The following ERGIC1 variants were observed in gnomAD, a reference collection of about 807,000 sequenced individuals.
ERGIC1 encodes the protein endoplasmic reticulum-Golgi intermediate compartment protein 1.
Under a neutral mutation model 38.3 loss-of-function variants are expected in ERGIC1, and 19 were observed. The observed-to-expected ratio is 0.50, with a 90% CI of 0.35 to 0.73. The LOEUF is 0.73. ERGIC1 is among the 30% of genes least tolerant of loss of function. The pLI is 0.01. For missense variants in ERGIC1, 294 were observed against 389.2 expected (o/e 0.76, Z 2.06); for synonymous variants, 124 against 157.6 (o/e 0.79, Z 1.60).
At chr5:172,939,905 G>A (rs768477169) in intron 9 of ERGIC1, among the ~76,000 whole-genome samples, 9 of 152,252 alleles carry the variant, frequency 5.9e-5, no homozygotes, top group African/African-American at 9.6e-5. Flanking sequence ...GGGAGCCCTC[G>A]GAGGGCGGGG....
intron 9 of ERGIC1, among the ~76,000 whole-genome samples, chr5:172,938,718 A>T: frequency 6.9e-6 from 1 of 144,234 alleles, no homozygotes; most frequent in East Asian, 2.0e-4. Flanking sequence ...ATGCCACTGC[A>T]CTCCAGCCTG....
chr5:172,941,193 C>G (rs866993559), intron 9 of ERGIC1, among the ~76,000 whole-genome samples: 5 of 151,412 alleles, frequency 3.3e-5, no homozygotes, highest in Middle Eastern at 3.4e-3. Context: ...GAGGCTGAGA[C>G]AGGAGATCTT....
At chr5:172,891,903 G>A (rs879813822) in intron 2 of ERGIC1, among the ~76,000 whole-genome samples, 29 of 152,244 alleles carry the variant, frequency 1.9e-4, no homozygotes, top group South Asian at 1.5e-3. Context: ...GTCACATTCT[G>A]TTATCTGGCT....
rs76660547 is a variant in ERGIC1 at position 172,927,483 on chromosome 5, G to A, written c.541+914G>A. ...TCCAAGGCATGGATTGCAGTTTACC[G>A]TCTGCTTTTTGTACTTGACCTTATT... On this transcript the variant is annotated intron_variant, in intron 7 of 9. Coordinates refer to ENST00000393784, the MANE Select transcript of ERGIC1 (RefSeq NM_001031711.3). 3.4e-3 allele frequency among the ~76,000 whole-genome samples: 515 copies of A among 151,652 alleles called. 3 individuals are homozygous for A. Among genetic ancestry groups the A allele is most frequent in the Middle Eastern group, 0.017 (5 of 294 alleles).
At chr5:172,944,201 A>G (rs1581591152) in intron 9 of ERGIC1, among the ~76,000 whole-genome samples, 1 of 152,224 alleles carries the variant, frequency 6.6e-6, no homozygotes, top group Non-Finnish European at 1.5e-5. Flanking sequence ...TCCCTGGCTC[A>G]GTGACCCTGC....
rs79462789 is a variant in ERGIC1, at chr5:172,879,731, G to C, written c.21-8968G>C. ...AGCAGCTGGAGGCCCCTCAGAGAGA[G>C]CATGGGATCAATGGGAAACCTTCTA... On this transcript the variant is annotated intron_variant, in intron 1 of 9. Transcript: ENST00000393784. Among the ~76,000 whole-genome samples, 8 of 152,356 alleles carry C rather than the reference G, an allele frequency of 5.3e-5. No homozygotes were observed. In the East Asian group the frequency reaches 1.5e-3, roughly 29 times the overall value.
At chr5:172,876,259 C>T (rs1330958235) in intron 1 of ERGIC1, among the ~76,000 whole-genome samples, 3 of 152,222 alleles carry the variant, frequency 2.0e-5, no homozygotes, top group Admixed American at 6.5e-5. Flanking sequence ...AGGATTTCAT[C>T]AGTGGATGCA....
At chr5:172,859,419 C>T (rs1458650324) in intron 1 of ERGIC1, among the ~76,000 whole-genome samples, 3 of 152,020 alleles carry the variant, frequency 2.0e-5, no homozygotes, top group Admixed American at 1.3e-4. Context: ...TCCCAGCTGA[C>T]GGAAAAGGCC....
rs373660969 is a variant in ERGIC1 at position 172,878,786 on chromosome 5, G to A, written c.21-9913G>A. Among the ~76,000 whole-genome samples the A allele has an allele frequency of 7.8e-4, 119 of 152,078 alleles. 1 individual carries two copies. Among genetic ancestry groups the A allele is most frequent in the African/African-American group, 2.7e-3 (112 of 41,482 alleles). On this transcript the variant is annotated intron_variant, in intron 1 of 9. Transcript: ENST00000393784. ...GGCTCTGGTGTGTTCATTTGCCTTC[G>A]TGCCCCCCAACACACATACACGCAT...
At chr5:172,931,902 A>C (rs1407152464) in intron 7 of ERGIC1, among the ~76,000 whole-genome samples, 1 of 131,592 alleles carries the variant, frequency 7.6e-6, no homozygotes, top group Non-Finnish European at 1.6e-5. Context: ...TCTATCGCCC[A>C]GGCTGGAGTG....
intron 8 of ERGIC1, 182 bp downstream of exon 8, chr5:172,932,718 G>A: frequency 1.6e-6 from 1 of 614,196 alleles, no homozygotes; most frequent in Non-Finnish European, 2.9e-6. Context: ...TCCCTGCCAT[G>A]TGGCAGTCTC....
At chr5:172,857,004 C>G (rs1031876987) in intron 1 of ERGIC1, among the ~76,000 whole-genome samples, 3 of 152,226 alleles carry the variant, frequency 2.0e-5, no homozygotes, top group African/African-American at 7.2e-5. Context: ...AACCCCACAA[C>G]AAGAAATTCA....
At chr5:172,945,510 T>C (rs1442339724) in intron 9 of ERGIC1, among the ~76,000 whole-genome samples, 2 of 152,178 alleles carry the variant, frequency 1.3e-5, no homozygotes, top group Non-Finnish European at 1.5e-5. Flanking sequence ...TACTGATTTT[T>C]CTGGTTAAAG....
At chr5:172,910,520 CTTTT>C (rs58360974) in intron 4 of ERGIC1, among the ~76,000 whole-genome samples, 1 of 139,010 alleles carries the variant, frequency 7.2e-6, no homozygotes. Flanking sequence ...TGAATTACTT[CTTTT>C]TTTTTTTTTT....
At chr5:172,913,941 A>G (rs1381626000) in intron 4 of ERGIC1, among the ~76,000 whole-genome samples, 1 of 152,064 alleles carries the variant, frequency 6.6e-6, no homozygotes. Context: ...ATAAACCCAA[A>G]AACTCTCTGA....
intron 1 of ERGIC1, among the ~76,000 whole-genome samples, chr5:172,878,612 A>T (rs1234742694): frequency 6.6e-6 from 1 of 152,168 alleles, no homozygotes; most frequent in African/African-American, 2.4e-5. Flanking sequence ...AAGTTGCTCC[A>T]TCTGGGCTGG....
intron 1 of ERGIC1, among the ~76,000 whole-genome samples, chr5:172,882,628 C>T (rs1762312551): frequency 6.6e-6 from 1 of 152,156 alleles, no homozygotes; most frequent in Non-Finnish European, 1.5e-5. Flanking sequence ...GTGAGAAATA[C>T]ATGCAAATAT....
intron 9 of ERGIC1, chr5:172,937,963 A>G (rs992687974): frequency 6.7e-6 from 1 of 150,014 alleles, no homozygotes; most frequent in Admixed American, 6.7e-5. Context: ...ACTCCAGTGC[A>G]CTCCAGCCTG....
intron 3 of ERGIC1, chr5:172,897,953 G>C: frequency 2.4e-6 from 1 of 413,502 alleles, no homozygotes; most frequent in Non-Finnish European, 4.4e-6. Context: ...GCTCTGGGGT[G>C]TGTGTAACAG....
Sources: allele counts gnomAD v4.1 joint callset (sites outside exome capture counted in the v4.1 genomes callset), GRCh38; gene constraint gnomAD v4.1.1; transcripts MANE v1.5; gene names NCBI Gene and HGNC (gene_info 2026-07-23, HGNC 2026-07-21).